Variants in NUCB2 observed in about 807,000 individuals in gnomAD.
The protein encoded by NUCB2 is nucleobindin 2.
NUCB2 carries 48 observed loss-of-function variants against 57.9 expected under a neutral mutation model. That is an observed-to-expected ratio of 0.83 (90% CI 0.66 to 1.05). The LOEUF (loss-of-function observed/expected upper bound fraction) is 1.05. Among genes scored for constraint, NUCB2 ranks in the 50% least tolerant of loss-of-function variants. NUCB2 has a pLI of 0.00. For synonymous variants in NUCB2, 139 were observed against 152.1 expected (o/e 0.91, Z 0.64); for missense variants, 442 against 476.2 (o/e 0.93, Z 0.67).
At chr11:17,298,700 C>CT (rs1276181789) in intron 4 of NUCB2, among the ~76,000 whole-genome samples, 112 of 145,470 alleles carry the variant, frequency 7.7e-4, no homozygotes, top group Middle Eastern at 3.5e-3. Flanking sequence ...TTTCTCTTTC[C>CT]TTTTTTTTTT....
chr11:17,339,812 T>G (rs1393621292), intron 2 of NUCB2, among the ~76,000 whole-genome samples: 1 of 152,154 alleles, frequency 6.6e-6, no homozygotes, highest in East Asian at 1.9e-4. Context: ...ACAATAAACA[T>G]ACGTGTGCAT....
chr11:17,288,944 CACACACATATATATAT>C (rs1944405228), intron 2 of NUCB2, among the ~76,000 whole-genome samples: 1 of 71,446 alleles, frequency 1.4e-5, no homozygotes, highest in African/African-American at 9.9e-5. Context: ...CACACACACA[CACACACATATATATAT>C]ATATTTTTTT....
chr11:17,312,535 AG>A (rs751088471), intron 10 of NUCB2, among the ~76,000 whole-genome samples: 5 of 148,422 alleles, frequency 3.4e-5, no homozygotes, highest in African/African-American at 5.0e-5. Context: ...CCTGAGTAGC[AG>A]GGATTATAGG....
At chr11:17,339,714 G>T (rs995959624) in intron 2 of NUCB2, among the ~76,000 whole-genome samples, 2 of 142,478 alleles carry the variant, frequency 1.4e-5, no homozygotes, top group Non-Finnish European at 2.9e-5. Context: ...AGTATTCCAT[G>T]GTGTATATGT....
At chr11:17,315,513 C>G in intron 11 of NUCB2, 38 bp downstream of exon 11, 4 of 1,174,594 alleles carry the variant, frequency 3.4e-6, no homozygotes, top group Non-Finnish European at 5.1e-6. Context: ...TATGGTTCAA[C>G]AAATTCTACA....
chr11:17,287,144 T>C (rs760761003), intron 2 of NUCB2, among the ~76,000 whole-genome samples: 6 of 151,816 alleles, frequency 4.0e-5, no homozygotes, highest in Non-Finnish European at 8.8e-5. Flanking sequence ...CTGAGCAACA[T>C]AATGAAACCA....
chr11:17,315,691 CTT>C (rs749227060), intron 11 of NUCB2, among the ~76,000 whole-genome samples: 1 of 152,082 alleles, frequency 6.6e-6, no homozygotes, highest in African/African-American at 2.4e-5. Context: ...AATTGGAAGT[CTT>C]TTAAAAATTA....
At chr11:17,343,582 G>A (rs1464216359) in intron 2 of NUCB2, among the ~76,000 whole-genome samples, 1 of 152,016 alleles carries the variant, frequency 6.6e-6, no homozygotes, top group Non-Finnish European at 1.5e-5. Flanking sequence ...GTGATTTGGA[G>A]TTGTTTTACT....
At chr11:17,335,105 G>A (rs1477862256), downstream of NUCB2, among the ~76,000 whole-genome samples, 1 of 151,338 alleles carries the variant, frequency 6.6e-6, no homozygotes, top group Admixed American at 6.6e-5. Flanking sequence ...TAGTAATAGT[G>A]CTTGCTATTT....
intron 10 of NUCB2, among the ~76,000 whole-genome samples, chr11:17,313,540 C>A (rs896235946): frequency 1.3e-5 from 2 of 152,076 alleles, no homozygotes; most frequent in African/African-American, 2.4e-5. Context: ...AAAACCAAAC[C>A]AAAGCAAACC....
intron 11 of NUCB2, chr11:17,317,619 AT>A: frequency 2.4e-6 from 1 of 421,354 alleles, no homozygotes; most frequent in Non-Finnish European, 4.8e-6. Flanking sequence ...AGGACAGACT[AT>A]TATGTTGTAC....
At chr11:17,335,789 C>T (rs773507815), downstream of NUCB2, among the ~76,000 whole-genome samples, 12 of 152,096 alleles carry the variant, frequency 7.9e-5, no homozygotes, top group Non-Finnish European at 1.5e-4. Flanking sequence ...CGTGAGCCAC[C>T]GCGCCCAGCC....
chr11:17,285,160 G>T (rs921378602), intron 2 of NUCB2, among the ~76,000 whole-genome samples: 1 of 152,178 alleles, frequency 6.6e-6, no homozygotes, highest in Admixed American at 6.5e-5. Flanking sequence ...GGGCGCGGTG[G>T]CTCATGCCTG....
At chr11:17,337,714 C>T (rs1023467097) in intron 2 of NUCB2, among the ~76,000 whole-genome samples, 10 of 151,982 alleles carry the variant, frequency 6.6e-5, no homozygotes, top group African/African-American at 2.4e-4. Context: ...CTCACTGTAA[C>T]CTCCACCTCC....
In NUCB2 at chr11:17,288,882, TACACACACACACAC is replaced by T. The variant is rs1167995024; in HGVS notation, c.-1+5995_-1+6008del. 4.5e-3 allele frequency among the ~76,000 whole-genome samples: 201 copies of T among 44,662 alleles called. 5 individuals carry two copies. The highest frequency in any genetic ancestry group is 0.011 in the African/African-American group (118 of 10,636). The allele number at this position is 44,662 out of a possible 152,430, so 29.3% of individuals were successfully genotyped here. A position where few individuals can be genotyped will look rare whatever the true frequency, so the allele number is the denominator to read the frequency against. On this transcript the variant is annotated intron_variant, in intron 2 of 13. Transcript: ENST00000529010. Reference sequence around the variant, plus strand: ...TAAAGTCTATTTAATAACATGTATATACACACACACACACACACACACACACACACACACACACA... The same window carrying T: ...TAAAGTCTATTTAATAACATGTATATACACACACACACACACACACACACA...
chr11:17,282,096 A>C (rs970456017), intron 1 of NUCB2, among the ~76,000 whole-genome samples: 4 of 151,680 alleles, frequency 2.6e-5, no homozygotes, highest in Admixed American at 2.0e-4. Context: ...TATATCTTGA[A>C]GTCTCATTGC....
chr11:17,285,741 C>CT (rs1943601000), intron 2 of NUCB2, among the ~76,000 whole-genome samples: 1 of 98,270 alleles, frequency 1.0e-5, no homozygotes, highest in Non-Finnish European at 1.9e-5. Context: ...GAGACTCCGT[C>CT]TCAAAAAAAA....
chr11:17,342,752 A>G (rs1952379652), intron 2 of NUCB2, among the ~76,000 whole-genome samples: 1 of 149,530 alleles, frequency 6.7e-6, no homozygotes, highest in African/African-American at 2.5e-5. Flanking sequence ...CAATTTTGGA[A>G]TAGGTGTGGT....
chr11:17,317,153 A>G (rs1194960646), intron 11 of NUCB2, among the ~76,000 whole-genome samples: 2 of 152,228 alleles, frequency 1.3e-5, no homozygotes, highest in East Asian at 3.8e-4. Flanking sequence ...TTGCAGGAAT[A>G]GACAGGAAAT....
Sources: allele counts gnomAD v4.1 joint callset (sites outside exome capture counted in the v4.1 genomes callset), GRCh38; gene constraint gnomAD v4.1.1; transcripts MANE v1.5; gene names NCBI Gene and HGNC (gene_info 2026-07-23, HGNC 2026-07-21).